The following SPIDR variants were observed in gnomAD, a reference collection of about 807,000 sequenced individuals.
SPIDR encodes the protein scaffold protein involved in DNA repair.
In SPIDR, 93 loss-of-function variants were observed where a neutral mutation model predicts 104.6. The observed-to-expected ratio is 0.89, with a 90% CI of 0.75 to 1.06. The LOEUF is 1.06. Ranked by LOEUF, SPIDR falls within the 50% of genes least tolerant of loss-of-function variation. The pLI is 0.00. For synonymous variants in SPIDR, 431 were observed against 416.9 expected (o/e 1.03, Z -0.41); for missense variants, 1,154 against 1,111.2 (o/e 1.04, Z -0.55).
chr8:47,575,864 G>T (rs1180722834), intron 8 of SPIDR, among the ~76,000 whole-genome samples: 2 of 150,012 alleles, frequency 1.3e-5, no homozygotes, highest in African/African-American at 2.4e-5. Flanking sequence ...GGAGGCTGAG[G>T]CAGGAGAATC....
intron 7 of SPIDR, among the ~76,000 whole-genome samples, chr8:47,432,256 G>T (rs1279239702): frequency 6.6e-6 from 1 of 152,138 alleles, no homozygotes; most frequent in African/African-American, 2.4e-5. Flanking sequence ...TGAAAAAATG[G>T]TACAATACAG....
chr8:47,493,588 T>A (rs1377363376), intron 8 of SPIDR, among the ~76,000 whole-genome samples: 1 of 152,222 alleles, frequency 6.6e-6, no homozygotes, highest in Non-Finnish European at 1.5e-5. Context: ...TGATGGCTGC[T>A]GTTGTCCTGG....
intron 10 of SPIDR, among the ~76,000 whole-genome samples, chr8:47,633,476 C>T (rs1303339892): frequency 1.3e-5 from 2 of 150,148 alleles, no homozygotes; most frequent in Non-Finnish European, 2.9e-5. Flanking sequence ...GTTGGACCTC[C>T]AGGCCATGCC....
chr8:47,366,741 G>A (rs73565216), intron 5 of SPIDR, among the ~76,000 whole-genome samples: 2,094 of 152,294 alleles, frequency 0.014, 46 homozygotes, highest in African/African-American at 0.048. Context: ...GTTTAAGTGC[G>A]TCTTGGGTAT....
At chr8:47,615,221 C>A (rs181943972) in intron 10 of SPIDR, among the ~76,000 whole-genome samples, 82 of 152,050 alleles carry the variant, frequency 5.4e-4, no homozygotes, top group African/African-American at 1.9e-3. Flanking sequence ...CTATGCCCAG[C>A]CAAGTTTTAT....
At chr8:47,734,762 G>A (rs1454503664) in intron 19 of SPIDR, among the ~76,000 whole-genome samples, 2 of 152,120 alleles carry the variant, frequency 1.3e-5, no homozygotes, top group Non-Finnish European at 2.9e-5. Flanking sequence ...TGTCTCATCT[G>A]GAGACGAAAC....
At position 47,303,411 on chromosome 8, in the gene SPIDR, G is replaced by A. The variant is rs587654584; in HGVS notation, c.525+9381G>A. Among the ~76,000 whole-genome samples the A allele has an allele frequency of 6.0e-3, 912 of 152,274 alleles. 6 individuals carry two copies. Among genetic ancestry groups the A allele is most frequent in the African/African-American group, 0.021 (867 of 41,556 alleles). ...CACTTCCCGGGTGAGGTGATGCCTCGCCCTGCTTCGGCTTACGCTGGGTGC... is the reference window on the plus strand; with the variant it reads ...CACTTCCCGGGTGAGGTGATGCCTCACCCTGCTTCGGCTTACGCTGGGTGC... On this transcript the variant is annotated intron_variant, in intron 5 of 19. Coordinates refer to ENST00000297423, the MANE Select transcript of SPIDR (RefSeq NM_001080394.4).
intron 10 of SPIDR, among the ~76,000 whole-genome samples, chr8:47,630,746 G>GT (rs2066935501): frequency 1.3e-5 from 2 of 152,140 alleles, no homozygotes; most frequent in African/African-American, 2.4e-5. Flanking sequence ...GTCAAATGTT[G>GT]TAACTCTTTA....
At chr8:47,531,614 C>T (rs568942053) in intron 8 of SPIDR, among the ~76,000 whole-genome samples, 2 of 152,242 alleles carry the variant, frequency 1.3e-5, no homozygotes, top group East Asian at 3.9e-4. Context: ...CTGCTAAACC[C>T]TTCAGTGAGA....
intron 5 of SPIDR, among the ~76,000 whole-genome samples, chr8:47,344,684 C>T (rs1436035529): frequency 6.6e-6 from 1 of 152,162 alleles, no homozygotes; most frequent in African/African-American, 2.4e-5. Flanking sequence ...GATGGTATCT[C>T]ATTGTGGTTT....
intron 10 of SPIDR, among the ~76,000 whole-genome samples, chr8:47,654,768 C>G (rs752513787): frequency 6.6e-6 from 1 of 152,064 alleles, no homozygotes; most frequent in Admixed American, 6.6e-5. Flanking sequence ...GGTACATGTG[C>G]ACAATGTGCA....
intron 8 of SPIDR, among the ~76,000 whole-genome samples, chr8:47,518,126 C>T (rs2083436138): frequency 6.6e-6 from 1 of 152,198 alleles, no homozygotes; most frequent in Non-Finnish European, 1.5e-5. Flanking sequence ...CAGATATTCT[C>T]CATGTGAAAG....
rs114007923 is a variant in SPIDR at position 47,657,472 on chromosome 8, G to A, written c.1545-16329G>A. The stretch of plus-strand genomic sequence containing the variant: ...GAGGGACCCTTATGGTGATGGAACT[G>A]TTCAGTATTTTGACTGTGGTAGAAG... On this transcript the variant is annotated intron_variant, in intron 10 of 19. Coordinates refer to ENST00000297423, the MANE Select transcript of SPIDR (RefSeq NM_001080394.4). Among the ~76,000 whole-genome samples, 758 of 152,248 alleles carry A rather than the reference G, an allele frequency of 5.0e-3. 7 individuals are homozygous for A. Among genetic ancestry groups the A allele is most frequent in the African/African-American group, 0.017 (720 of 41,540 alleles).
intron 8 of SPIDR, among the ~76,000 whole-genome samples, chr8:47,470,187 C>G (rs1338862459): frequency 2.0e-5 from 3 of 152,090 alleles, no homozygotes; most frequent in Non-Finnish European, 2.9e-5. Flanking sequence ...CAGTAGGGTA[C>G]TAGTATAAGG....
chr8:47,634,724 T>C lies in SPIDR; in HGVS notation c.1544+35528T>C, dbSNP rs557543416. Among the ~76,000 whole-genome samples the C allele has an allele frequency of 6.3e-4, 96 of 152,314 alleles. 1 individual carries two copies. Among genetic ancestry groups the C allele is most frequent in the Admixed American group, 1.2e-3 (18 of 15,292 alleles). On this transcript the variant is annotated intron_variant, in intron 10 of 19. Coordinates refer to ENST00000297423, the MANE Select transcript of SPIDR (RefSeq NM_001080394.4). ...GGCTGAGTGGGAGGGCGAGCTGTCA[T>C]TGAGCAGTGCAAACTACTCCCCTGG...
intron 16 of SPIDR, among the ~76,000 whole-genome samples, chr8:47,718,487 A>C (rs1044140772): frequency 6.6e-6 from 1 of 151,824 alleles, no homozygotes; most frequent in African/African-American, 2.4e-5. Flanking sequence ...AATATGCTTA[A>C]ACTACTTATC....
chr8:47,269,733 TC>T (rs2034901092), intron 1 of SPIDR, among the ~76,000 whole-genome samples: 1 of 152,184 alleles, frequency 6.6e-6, no homozygotes, highest in African/African-American at 2.4e-5. Flanking sequence ...CCTTTCTTTT[TC>T]CTTCTTTTAG....
intron 8 of SPIDR, among the ~76,000 whole-genome samples, chr8:47,516,757 T>A (rs758773880): frequency 6.6e-6 from 1 of 152,220 alleles, no homozygotes; most frequent in South Asian, 2.1e-4. Context: ...TACAAGTATC[T>A]GCTTAGTTTC....
At chr8:47,307,376 G>A (rs1349121381) in intron 5 of SPIDR, among the ~76,000 whole-genome samples, 8 of 150,458 alleles carry the variant, frequency 5.3e-5, no homozygotes, top group Non-Finnish European at 8.9e-5. Flanking sequence ...GTGCCACCAC[G>A]CCTGGCTCAT....
Sources: allele counts gnomAD v4.1 joint callset (sites outside exome capture counted in the v4.1 genomes callset), GRCh38; gene constraint gnomAD v4.1.1; transcripts MANE v1.5; gene names NCBI Gene and HGNC (gene_info 2026-07-23, HGNC 2026-07-21).